MSH3: variants seen among roughly 807,000 people sequenced by gnomAD.
The protein encoded by MSH3 is DNA mismatch repair protein Msh3.
Under a neutral mutation model 123.3 loss-of-function variants are expected in MSH3, and 106 were observed. The observed-to-expected ratio is 0.86, with a 90% CI of 0.73 to 1.01. The LOEUF is 1.01. MSH3 is among the 50% of genes least tolerant of loss of function. MSH3 has a pLI of 0.00. For missense variants in MSH3, 1,459 were observed against 1,347.6 expected (o/e 1.08, Z -1.29); for synonymous variants, 515 against 481.4 (o/e 1.07, Z -0.91).
chr5:80,730,220 A>G (rs1743386447), intron 10 of MSH3, among the ~76,000 whole-genome samples: 2 of 152,230 alleles, frequency 1.3e-5, no homozygotes, highest in Non-Finnish European at 2.9e-5. Context: ...TATATGACCA[A>G]TGCTTAAAAT....
intron 8 of MSH3, among the ~76,000 whole-genome samples, chr5:80,711,236 T>C (rs1174378848): frequency 6.6e-6 from 1 of 152,188 alleles, no homozygotes; most frequent in East Asian, 1.9e-4. Context: ...GGAGTTCCCA[T>C]AGTGGGGAAA....
intron 2 of MSH3, among the ~76,000 whole-genome samples, chr5:80,660,259 G>T (rs1749403115): frequency 1.3e-5 from 2 of 151,972 alleles, no homozygotes; most frequent in Non-Finnish European, 2.9e-5. Flanking sequence ...TTGTTGAAAG[G>T]CACTTCTTAC....
At chr5:80,668,692 T>C (rs1209061867) in intron 3 of MSH3, among the ~76,000 whole-genome samples, 3 of 152,128 alleles carry the variant, frequency 2.0e-5, no homozygotes, top group African/African-American at 7.2e-5. Flanking sequence ...GGGAATTCCC[T>C]TTCTGGGCCC....
chr5:80,661,812 C>T (rs536306889), intron 2 of MSH3, among the ~76,000 whole-genome samples: 34 of 152,276 alleles, frequency 2.2e-4, no homozygotes, highest in Non-Finnish European at 4.3e-4. Flanking sequence ...TCTGTTCTGG[C>T]AAGCAATTAA....
intron 8 of MSH3, among the ~76,000 whole-genome samples, chr5:80,702,889 G>T (rs1017776181): frequency 6.6e-6 from 1 of 152,148 alleles, no homozygotes; most frequent in African/African-American, 2.4e-5. Flanking sequence ...GCAAGCAGCT[G>T]TAGTCCCAGC....
At chr5:80,672,107 A>T in intron 4 of MSH3, 137 bp from the exon 5 acceptor site, 3 of 699,994 alleles carry the variant, frequency 4.3e-6, no homozygotes, top group Admixed American at 2.7e-5. Flanking sequence ...TAAACTTTTT[A>T]TTGACATAGT....
chr5:80,693,890 C>T (rs1750409873), intron 8 of MSH3, among the ~76,000 whole-genome samples: 1 of 152,108 alleles, frequency 6.6e-6, no homozygotes, highest in Non-Finnish European at 1.5e-5. Flanking sequence ...GAACTCCTGA[C>T]CTCAAATGAT....
At chr5:80,685,885 C>T (rs1561442034) in intron 8 of MSH3, among the ~76,000 whole-genome samples, 1 of 151,928 alleles carries the variant, frequency 6.6e-6, no homozygotes, top group Non-Finnish European at 1.5e-5. Flanking sequence ...TTTAAATTTC[C>T]TTGTTGATCT....
At chr5:80,704,044 T>G (rs987376474) in intron 8 of MSH3, among the ~76,000 whole-genome samples, 2 of 152,126 alleles carry the variant, frequency 1.3e-5, no homozygotes, top group African/African-American at 4.8e-5. Flanking sequence ...GGAAGAATCT[T>G]CCTTAGAAGT....
chr5:80,869,841 T>TACACAC (rs35006113), intron 22 of MSH3, among the ~76,000 whole-genome samples: 17,663 of 132,272 alleles, frequency 0.13, 1,432 homozygotes, highest in South Asian at 0.28. Flanking sequence ...TACATATATA[T>TACACAC]ACACACACAC....
At chr5:80,700,370 A>T (rs560244100) in intron 8 of MSH3, among the ~76,000 whole-genome samples, 1 of 152,180 alleles carries the variant, frequency 6.6e-6, no homozygotes, top group South Asian at 2.1e-4. Flanking sequence ...GACAGAACAA[A>T]TCAATTCTGG....
rs115177266 is a variant in MSH3 at position 80,672,782 on chromosome 5, C to A, written c.951C>A (p.Ala317=). ...AAACTGAAACTGCAGCATTAAAGGC[C>A]ATTGGAGACAACAGAAGTTCACTCT... ...VKQTETAALK[A]IGDNRSSLFS... Residue 317 remains alanine (A), a synonymous_variant, in exon 6 of 24, where the codon GCC becomes GCA. Transcript: ENST00000265081. 5.9e-5 allele frequency: 96 copies of A among 1,614,098 alleles called. No homozygotes were observed. In the African/African-American group the frequency reaches 1.1e-3, roughly 19 times the overall value.
chr5:80,808,873 A>ATG (rs1554074172), intron 19 of MSH3, among the ~76,000 whole-genome samples: 1 of 137,042 alleles, frequency 7.3e-6, no homozygotes, highest in African/African-American at 2.7e-5. Context: ...ATATATATAT[A>ATG]TATATATATA....
intron 20 of MSH3, among the ~76,000 whole-genome samples, chr5:80,819,679 G>A (rs1269994995): frequency 1.3e-5 from 2 of 151,762 alleles, no homozygotes; most frequent in African/African-American, 4.8e-5. Flanking sequence ...TAGAGAGGGG[G>A]TTTCGCCATG....
chr5:80,823,575 T>A (rs866249260), intron 20 of MSH3, among the ~76,000 whole-genome samples: 30 of 152,280 alleles, frequency 2.0e-4, no homozygotes, highest in Middle Eastern at 3.4e-3. Flanking sequence ...ATTTTCATAA[T>A]AAAAACACTG....
intron 20 of MSH3, among the ~76,000 whole-genome samples, chr5:80,820,901 G>A (rs981178261): frequency 6.6e-6 from 1 of 152,132 alleles, no homozygotes; most frequent in African/African-American, 2.4e-5. Context: ...TGCACTTCAC[G>A]AAGGTCCAGG....
In MSH3 at chr5:80,725,638, A is replaced by C; in HGVS notation, c.1453+73A>C. The C allele has an allele frequency of 3.0e-6, 3 of 988,876 alleles. No individual in the cohort carries two copies. The South Asian group carries it at 3.9e-5, about 13-fold the overall frequency. The allele number at this position is 988,876 out of a possible 1,614,324, so 61.3% of individuals were successfully genotyped here. Reference sequence around the variant, plus strand: ...GGATAAAGGTATTAGTATGATTCTCAATTTAATGATGACTAGGTAGTTATT... The same window carrying C: ...GGATAAAGGTATTAGTATGATTCTCCATTTAATGATGACTAGGTAGTTATT... On this transcript the variant is annotated intron_variant, in intron 9 of 23. Coordinates refer to ENST00000265081, the MANE Select transcript of MSH3 (RefSeq NM_002439.5).
intron 8 of MSH3, among the ~76,000 whole-genome samples, chr5:80,702,199 T>A (rs1200118257): frequency 6.6e-6 from 1 of 152,198 alleles, no homozygotes; most frequent in Non-Finnish European, 1.5e-5. Context: ...ATTCTTTCCC[T>A]TGGTGCCATT....
intron 8 of MSH3, among the ~76,000 whole-genome samples, chr5:80,717,035 G>T (rs918910392): frequency 6.6e-6 from 1 of 152,128 alleles, no homozygotes; most frequent in African/African-American, 2.4e-5. Context: ...AAAGGACAGG[G>T]TTTCATTTTT....
Sources: gnomAD v4.1 joint callset for allele counts (sites outside exome capture counted in the v4.1 genomes callset) on GRCh38, gnomAD v4.1.1 for gene constraint, MANE v1.5 for transcripts, NCBI Gene and HGNC (gene_info 2026-07-23, HGNC 2026-07-21) for gene names.